Variants in ADGRL2 observed in about 807,000 individuals in gnomAD.
ADGRL2 encodes the protein adhesion G protein-coupled receptor L2.
A neutral mutation model predicts 157.4 loss-of-function variants in ADGRL2; 44 were observed. The ratio of observed to expected loss-of-function variants is 0.28; its 90% CI spans 0.22 to 0.36. ADGRL2 has a LOEUF of 0.36. Ranked by LOEUF, ADGRL2 falls within the 10% of genes least tolerant of loss-of-function variation. ADGRL2 has a pLI of 1.00. For synonymous variants in ADGRL2, 585 were observed against 624.7 expected, an observed-to-expected ratio of 0.94 and a Z score of 0.95; for missense variants, 1,510 against 1,768.9, an observed-to-expected ratio of 0.85 and a Z score of 2.63.
intron 2 of ADGRL2, among the ~76,000 whole-genome samples, chr1:81,455,724 A>G (rs1381848842): frequency 6.6e-6 from 1 of 152,214 alleles, no homozygotes; most frequent in Non-Finnish European, 1.5e-5. Flanking sequence ...GAAACAAAGA[A>G]CTACACATAT....
intron 3 of ADGRL2, among the ~76,000 whole-genome samples, chr1:81,651,809 T>C (rs1406032031): frequency 1.3e-5 from 2 of 152,158 alleles, no homozygotes; most frequent in African/African-American, 4.8e-5. Flanking sequence ...TCATAGTTCA[T>C]TGTAACCTCC....
chr1:81,899,428 C>T (rs2094449728), intron 2 of ADGRL2, among the ~76,000 whole-genome samples: 1 of 152,046 alleles, frequency 6.6e-6, no homozygotes, highest in African/African-American at 2.4e-5. Context: ...CACCTGTTGC[C>T]GGGAGGTATT....
chr1:81,572,080 A>T (rs1036223816), intron 2 of ADGRL2, among the ~76,000 whole-genome samples: 4 of 152,248 alleles, frequency 2.6e-5, no homozygotes, highest in Admixed American at 2.6e-4. Flanking sequence ...TAGAATGAAC[A>T]TTGACTTCAA....
chr1:81,793,173 A>C (rs2149425651), intron 2 of ADGRL2, among the ~76,000 whole-genome samples: 1 of 152,228 alleles, frequency 6.6e-6, no homozygotes, highest in Admixed American at 6.5e-5. Flanking sequence ...CAATTGGTTT[A>C]TTTTATAATT....
chr1:81,973,200 ATT>A (rs1320643597), intron 17 of ADGRL2, among the ~76,000 whole-genome samples: 2 of 152,204 alleles, frequency 1.3e-5, no homozygotes, highest in Admixed American at 1.3e-4. Context: ...TGAAATGAAA[ATT>A]TGAGATGAAT....
chr1:81,748,464 T>A, intron 1 of ADGRL2, among the ~76,000 whole-genome samples: 2 of 84,056 alleles, frequency 2.4e-5, no homozygotes, highest in East Asian at 3.4e-4. Context: ...GGAGATTCCG[T>A]CTCAAAAAAA....
At chr1:81,448,352 G>T (rs1248142641) in intron 2 of ADGRL2, among the ~76,000 whole-genome samples, 1 of 151,364 alleles carries the variant, frequency 6.6e-6, no homozygotes, top group Non-Finnish European at 1.5e-5. Flanking sequence ...CACCATTTTG[G>T]CCAGGCTGAT....
intron 2 of ADGRL2, among the ~76,000 whole-genome samples, chr1:81,535,090 A>C (rs1026500000): frequency 2.0e-5 from 3 of 152,098 alleles, no homozygotes; most frequent in African/African-American, 7.2e-5. Flanking sequence ...GCTGCTACTG[A>C]GCTGTTGTTT....
At chr1:81,456,809 A>G (rs531158717) in intron 2 of ADGRL2, among the ~76,000 whole-genome samples, 2 of 152,072 alleles carry the variant, frequency 1.3e-5, no homozygotes, top group Non-Finnish European at 2.9e-5. Context: ...CAGTTTATAT[A>G]AGAACTTGTT....
At chr1:81,630,329 C>A (rs2081988542) in intron 3 of ADGRL2, among the ~76,000 whole-genome samples, 1 of 152,116 alleles carries the variant, frequency 6.6e-6, no homozygotes, top group Admixed American at 6.6e-5. Flanking sequence ...TGGGCAGTGA[C>A]AAGGCTGACT....
intron 1 of ADGRL2, among the ~76,000 whole-genome samples, chr1:81,726,235 A>G (rs1395162780): frequency 1.3e-5 from 2 of 152,130 alleles, no homozygotes; most frequent in African/African-American, 4.8e-5. Flanking sequence ...ACCCTTACAG[A>G]AATCCTCAGC....
At chr1:81,625,010 G>T (rs1391103291) in intron 3 of ADGRL2, among the ~76,000 whole-genome samples, 1 of 152,302 alleles carries the variant, frequency 6.6e-6, no homozygotes, top group Non-Finnish European at 1.5e-5. Context: ...AATACCTTGT[G>T]CTGTGTCTTT....
chr1:81,761,474 C>T (rs1415013150), intron 1 of ADGRL2, among the ~76,000 whole-genome samples: 1 of 151,744 alleles, frequency 6.6e-6, no homozygotes, highest in Non-Finnish European at 1.5e-5. Context: ...TTAGGTAAAC[C>T]TGTCTCATCT....
At chr1:81,427,248 G>A (rs937488593) in intron 1 of ADGRL2, 18 of 757,612 alleles carry the variant, frequency 2.4e-5, no homozygotes, top group Non-Finnish European at 4.3e-5. Context: ...GGTGGTGGCA[G>A]CGGAAATAGT....
At chr1:81,591,626 G>A (rs545752352) in intron 3 of ADGRL2, among the ~76,000 whole-genome samples, 3 of 152,198 alleles carry the variant, frequency 2.0e-5, no homozygotes, top group East Asian at 3.9e-4. Flanking sequence ...GGCTGGCTTT[G>A]TGACTTATGT....
chr1:81,588,295 C>G (rs2081066848), intron 3 of ADGRL2: 1 of 152,190 alleles, frequency 6.6e-6, no homozygotes, highest in South Asian at 2.1e-4. Context: ...GCCAAAAACA[C>G]TTACAGCCGC....
At chr1:81,657,662 A>G (rs1317200753) in intron 3 of ADGRL2, among the ~76,000 whole-genome samples, 1 of 152,102 alleles carries the variant, frequency 6.6e-6, no homozygotes, top group Non-Finnish European at 1.5e-5. Context: ...TTTTAGAAGT[A>G]TTACTATGGA....
chr1:81,411,693 C>CCATCCTGGCTAA (rs2076947786), intron 1 of ADGRL2, among the ~76,000 whole-genome samples: 1 of 151,878 alleles, frequency 6.6e-6, no homozygotes, highest in Non-Finnish European at 1.5e-5. Flanking sequence ...GAGATCGAGA[C>CCATCCTGGCTAA]CACGGTGAAA....
chr1:81,733,375 C>T (rs1023318417), intron 1 of ADGRL2, among the ~76,000 whole-genome samples: 8 of 152,240 alleles, frequency 5.3e-5, no homozygotes, highest in East Asian at 1.9e-4. Flanking sequence ...AAGTCTGAGA[C>T]CAAGGTGCTG....
Sources: gnomAD v4.1 joint callset for allele counts (sites outside exome capture counted in the v4.1 genomes callset) on GRCh38, gnomAD v4.1.1 for gene constraint, MANE v1.5 for transcripts, NCBI Gene and HGNC (gene_info 2026-07-23, HGNC 2026-07-21) for gene names.